The following RPH3A variants were observed in gnomAD, a reference collection of about 807,000 sequenced individuals.
RPH3A encodes the protein rabphilin 3A.
In RPH3A, 48 loss-of-function variants were observed where a neutral mutation model predicts 102.2. The observed-to-expected ratio is 0.47, with a 90% CI of 0.37 to 0.60. The LOEUF is 0.60. Among genes scored for constraint, RPH3A ranks in the 20% least tolerant of loss-of-function variants. The pLI is 0.00. For synonymous variants in RPH3A, 310 were observed against 324.3 expected, an observed-to-expected ratio of 0.96 and a Z score of 0.47; for missense variants, 781 against 910.1, an observed-to-expected ratio of 0.86 and a Z score of 1.83.
At position 112,693,438 on chromosome 12, in the gene RPH3A, C is replaced by A. The variant is rs572853979; in HGVS notation, c.-139-98705C>A. Among the ~76,000 whole-genome samples the A allele has an allele frequency of 3.3e-3, 503 of 152,336 alleles. 3 individuals carry two copies. Among genetic ancestry groups the A allele is most frequent in the African/African-American group, 0.012 (484 of 41,562 alleles). On this transcript the variant is annotated intron_variant, in intron 1 of 21. Coordinates refer to the RPH3A transcript ENST00000543106. The stretch of plus-strand genomic sequence containing the variant: ...GGAACCTTTCTGATGCCATTACTTA[C>A]ATTTTCATCCAACATCTCATCCTTG...
intron 20 of RPH3A, among the ~76,000 whole-genome samples, chr12:112,895,249 C>CCCA (rs1037439403): frequency 2.6e-5 from 4 of 152,024 alleles, no homozygotes; most frequent in African/African-American, 9.7e-5. Context: ...ATTACAGGTG[C>CCCA]CCACCACCAT....
Position 112,688,759 on chromosome 12 carries a change from A to G in RPH3A, c.-139-103384A>G, listed in dbSNP as rs1210956835. Among the ~76,000 whole-genome samples, 3 of 152,232 alleles carry G rather than the reference A, an allele frequency of 2.0e-5. No individual in the cohort carries two copies. The East Asian group carries it at 5.8e-4, about 29-fold the overall frequency. On this transcript the variant is annotated intron_variant, in intron 1 of 21. Transcript: ENST00000543106. ...TAATGAAGAAACTCTACCTTTCATT[A>G]GGAGGTATGTCAAAGAATTTCCAGC...
rs377382085 is a variant in RPH3A at position 112,820,174 on chromosome 12, C to T, written c.-18-8127C>T. Among the ~76,000 whole-genome samples the T allele has an allele frequency of 1.4e-4, 21 of 152,224 alleles. No individual in the cohort carries two copies. In the East Asian group the frequency reaches 1.9e-3, roughly 14 times the overall value. Reference sequence around the variant, plus strand: ...TGCTGGTGGAGGAAATTTGGAGCACCGTGAAATCTATGGAAGCATTTAGTG... The same window carrying T: ...TGCTGGTGGAGGAAATTTGGAGCACTGTGAAATCTATGGAAGCATTTAGTG... On this transcript the variant is annotated intron_variant, in intron 2 of 21. Transcript: ENST00000389385.
At chr12:112,725,270 A>C (rs924564689) in intron 1 of RPH3A, among the ~76,000 whole-genome samples, 82 of 151,458 alleles carry the variant, frequency 5.4e-4, no homozygotes, top group East Asian at 4.6e-3. Flanking sequence ...AAAAAAAAAA[A>C]AAAAAAAAAC....
At chr12:112,652,366 G>A (rs2039980461) in intron 1 of RPH3A, among the ~76,000 whole-genome samples, 1 of 151,954 alleles carries the variant, frequency 6.6e-6, no homozygotes, top group Non-Finnish European at 1.5e-5. Context: ...AGTCCCAGCT[G>A]TTTGGGAGGC....
At chr12:112,700,335 A>AATATATAT in intron 1 of RPH3A, among the ~76,000 whole-genome samples, 3 of 152,114 alleles carry the variant, frequency 2.0e-5, no homozygotes, top group Non-Finnish European at 4.4e-5. Context: ...TCCCCAAGTG[A>AATATATAT]ATTCTTAATA....
intron 1 of RPH3A, among the ~76,000 whole-genome samples, chr12:112,633,146 G>C (rs185634871): frequency 5.9e-5 from 9 of 152,246 alleles, no homozygotes; most frequent in African/African-American, 1.9e-4. Flanking sequence ...GTTCACTTGA[G>C]CTATGATCAT....
chr12:112,892,521 G>A (rs2043115103), intron 19 of RPH3A, among the ~76,000 whole-genome samples: 1 of 152,206 alleles, frequency 6.6e-6, no homozygotes, highest in African/African-American at 2.4e-5. Flanking sequence ...CATCAGAGGA[G>A]TCCTGCATTT....
At chr12:112,847,936 G>A in intron 5 of RPH3A, 94 bp downstream of exon 5, 1 of 1,425,434 alleles carries the variant, frequency 7.0e-7, no homozygotes, top group Non-Finnish European at 9.6e-7. Context: ...GGGGTGTGCT[G>A]GGCTGCCTCT....
At chr12:112,689,980 T>G (rs1275908207) in intron 1 of RPH3A, among the ~76,000 whole-genome samples, 2 of 152,222 alleles carry the variant, frequency 1.3e-5, no homozygotes, top group Admixed American at 6.5e-5. Flanking sequence ...AAGAGGAGAC[T>G]GATGCTTTTC....
intron 1 of RPH3A, among the ~76,000 whole-genome samples, chr12:112,610,139 T>C (rs1295608989): frequency 6.6e-6 from 1 of 152,226 alleles, no homozygotes; most frequent in Non-Finnish European, 1.5e-5. Flanking sequence ...TTTCCACCTC[T>C]GCATTTGCTG....
intron 1 of RPH3A, among the ~76,000 whole-genome samples, chr12:112,754,897 C>A (rs1207000765): frequency 6.6e-6 from 1 of 152,228 alleles, no homozygotes; most frequent in Non-Finnish European, 1.5e-5. Flanking sequence ...AAACTAATTA[C>A]ATCTGAATCT....
intron 1 of RPH3A, among the ~76,000 whole-genome samples, chr12:112,627,762 G>T (rs1232006841): frequency 6.6e-6 from 1 of 151,826 alleles, no homozygotes; most frequent in African/African-American, 2.4e-5. Context: ...TAGGGAGGGA[G>T]GTCAGGGAAG....
At chr12:112,752,968 C>CTTTTTTT (rs3037266) in intron 1 of RPH3A, among the ~76,000 whole-genome samples, 20 of 118,898 alleles carry the variant, frequency 1.7e-4, no homozygotes, top group Non-Finnish European at 2.2e-4. Flanking sequence ...GTCCAGTTTT[C>CTTTTTTT]TTTTTTTTTT....
Position 112,817,770 on chromosome 12 carries a change from T to C in RPH3A, c.-18-10531T>C, listed in dbSNP as rs529673079. On this transcript the variant is annotated intron_variant, in intron 2 of 21. Coordinates refer to ENST00000389385, the MANE Select transcript of RPH3A (RefSeq NM_001143854.2). ...AGGTCTCAGCGGGCCTTAGTGGGGA[T>C]GTATTAGAAACACTTTCTGTCCTCC... Among the ~76,000 whole-genome samples the C allele has an allele frequency of 1.2e-3, 185 of 152,292 alleles. 2 individuals are homozygous for C. The highest frequency in any genetic ancestry group is 3.1e-3 in the Admixed American group (47 of 15,300).
Position 112,652,691 on chromosome 12 carries a change from TACTC to T in RPH3A, c.-140+77374_-140+77377del, listed in dbSNP as rs145233761. Among the ~76,000 whole-genome samples the T allele has an allele frequency of 2.4e-3, 369 of 152,334 alleles. 2 individuals are homozygous for T. Among genetic ancestry groups the T allele is most frequent in the African/African-American group, 8.4e-3 (350 of 41,582 alleles). On this transcript the variant is annotated intron_variant, in intron 1 of 21. Coordinates refer to the RPH3A transcript ENST00000543106. The stretch of plus-strand genomic sequence containing the variant: ...GCAAAAACTCATTCATTCATTTAAT[TACTC>T]ATTCATTCATTAATTCATTTTCAAC...
intron 1 of RPH3A, among the ~76,000 whole-genome samples, chr12:112,739,101 T>G (rs1234494349): frequency 6.6e-6 from 1 of 152,168 alleles, no homozygotes. Flanking sequence ...TCTGAGAGAA[T>G]GCCCAGGATA....
intron 19 of RPH3A, among the ~76,000 whole-genome samples, chr12:112,892,008 C>T (rs1226382351): frequency 6.6e-6 from 1 of 152,234 alleles, no homozygotes; most frequent in African/African-American, 2.4e-5. Context: ...AAGAGTTCCA[C>T]TTATCTCCAA....
At chr12:112,631,920 G>C (rs2039809410) in intron 1 of RPH3A, among the ~76,000 whole-genome samples, 1 of 152,156 alleles carries the variant, frequency 6.6e-6, no homozygotes, top group Non-Finnish European at 1.5e-5. Context: ...TCTGTTGCTT[G>C]AATAATATGC....
Sources: allele counts gnomAD v4.1 joint callset (sites outside exome capture counted in the v4.1 genomes callset), GRCh38; gene constraint gnomAD v4.1.1; transcripts MANE v1.5; gene names NCBI Gene and HGNC (gene_info 2026-07-23, HGNC 2026-07-21).